MED12L: variants seen among roughly 807,000 people sequenced by gnomAD.
MED12L encodes the protein mediator complex subunit 12L, also known as mediator of RNA polymerase II transcription subunit 12-like protein.
In MED12L, 60 loss-of-function variants were observed where a neutral mutation model predicts 281.3. That is an observed-to-expected ratio of 0.21 (90% CI 0.17 to 0.26). The LOEUF is 0.26. Among genes scored for constraint, MED12L ranks in the 10% least tolerant of loss-of-function variants. The pLI is 1.00. For synonymous variants in MED12L, 974 were observed against 987.2 expected (o/e 0.99, Z 0.25); for missense variants, 2,146 against 2,680.9 (o/e 0.80, Z 4.41).
chr3:151,276,927 C>T (rs1741964639), intron 16 of MED12L, among the ~76,000 whole-genome samples: 1 of 152,150 alleles, frequency 6.6e-6, no homozygotes, highest in Non-Finnish European at 1.5e-5. Flanking sequence ...GACAGGGTCT[C>T]ACTCTCTCGC....
chr3:151,142,407 A>G (rs1717151875), intron 5 of MED12L, among the ~76,000 whole-genome samples: 1 of 152,222 alleles, frequency 6.6e-6, no homozygotes, highest in South Asian at 2.1e-4. Context: ...AAACAAGAGA[A>G]TTTTAAGAAA....
At chr3:151,166,489 A>T (rs568144125) in intron 11 of MED12L, among the ~76,000 whole-genome samples, 1 of 152,040 alleles carries the variant, frequency 6.6e-6, no homozygotes, top group South Asian at 2.1e-4. Context: ...GTTTATATCT[A>T]CCTAGAGAGA....
intron 39 of MED12L, among the ~76,000 whole-genome samples, chr3:151,402,043 C>T (rs1297856216): frequency 3.3e-5 from 5 of 152,200 alleles, no homozygotes; most frequent in African/African-American, 1.2e-4. Flanking sequence ...AGCATGGCAG[C>T]TGGATCTAAA....
chr3:151,142,525 T>A (rs375844974), intron 5 of MED12L, among the ~76,000 whole-genome samples: 12 of 152,350 alleles, frequency 7.9e-5, no homozygotes, highest in African/African-American at 2.6e-4. Context: ...TCTAACATAC[T>A]GTCTTCAGAC....
intron 16 of MED12L, among the ~76,000 whole-genome samples, chr3:151,320,315 G>A (rs1052142413): frequency 6.6e-6 from 1 of 152,168 alleles, no homozygotes; most frequent in African/African-American, 2.4e-5. Flanking sequence ...GACAAGCAGG[G>A]ATCTAATTGC....
In MED12L at chr3:151,213,493, T is replaced by A. The variant is rs759104990; in HGVS notation, c.2250+19827T>A. The A allele has an allele frequency of 1.9e-6, 3 of 1,614,168 alleles. No homozygotes were observed. The South Asian group carries it at 3.3e-5, about 18-fold the overall frequency. On this transcript the variant is annotated intron_variant, in intron 16 of 44. Transcript: ENST00000687756. Reference sequence around the variant, plus strand: ...TAGTAGCAGAGTGAATTCTTTCATATACCGCAAGATTTCTTTTGACTGGCA... The same window carrying A: ...TAGTAGCAGAGTGAATTCTTTCATAAACCGCAAGATTTCTTTTGACTGGCA...
At chr3:151,362,800 G>A (rs1754783927) in intron 21 of MED12L, among the ~76,000 whole-genome samples, 1 of 152,130 alleles carries the variant, frequency 6.6e-6, no homozygotes, top group South Asian at 2.1e-4. Flanking sequence ...TATGAAATGG[G>A]TTAGGTTTCA....
intron 43 of MED12L, among the ~76,000 whole-genome samples, chr3:151,417,884 T>C (rs2108400924): frequency 6.6e-6 from 1 of 152,352 alleles, no homozygotes; most frequent in South Asian, 2.1e-4. Context: ...GAAAACCTTC[T>C]TAAAGTAGAG....
At chr3:151,242,253 A>G (rs1210769472) in intron 16 of MED12L, among the ~76,000 whole-genome samples, 4 of 152,260 alleles carry the variant, frequency 2.6e-5, no homozygotes, top group Non-Finnish European at 5.9e-5. Context: ...CGGGAAGCTC[A>G]AACTGGGCGG....
chr3:151,336,324 G>A (rs944345055), intron 16 of MED12L, among the ~76,000 whole-genome samples: 1 of 152,132 alleles, frequency 6.6e-6, no homozygotes, highest in Non-Finnish European at 1.5e-5. Flanking sequence ...TTTTAGTGGT[G>A]CCGGAGAAAG....
intron 11 of MED12L, among the ~76,000 whole-genome samples, chr3:151,171,197 G>T (rs566264557): frequency 1.3e-5 from 2 of 152,316 alleles, no homozygotes; most frequent in African/African-American, 2.4e-5. Context: ...ACACAAAGGA[G>T]TCGTTATGTG....
chr3:151,112,978 G>A (rs934347240), intron 2 of MED12L, among the ~76,000 whole-genome samples: 3 of 152,192 alleles, frequency 2.0e-5, no homozygotes, highest in Non-Finnish European at 2.9e-5. Context: ...GCCTGCGTTT[G>A]TCAACAAAAT....
intron 18 of MED12L, among the ~76,000 whole-genome samples, chr3:151,355,685 A>G (rs906208545): frequency 3.9e-5 from 6 of 152,234 alleles, no homozygotes; most frequent in African/African-American, 1.4e-4. Flanking sequence ...TTAGGTCTGA[A>G]TGACAACTTT....
At chr3:151,095,902 A>G (rs1158831005) in intron 2 of MED12L, among the ~76,000 whole-genome samples, 2 of 152,112 alleles carry the variant, frequency 1.3e-5, no homozygotes, top group African/African-American at 2.4e-5. Context: ...TCACTTTCCT[A>G]GTTTCCCTTG....
At chr3:151,199,430 T>C in intron 16 of MED12L, 2 of 1,522,158 alleles carry the variant, frequency 1.3e-6, no homozygotes, top group Non-Finnish European at 1.8e-6. Context: ...AAGAAAAAAT[T>C]TCTAAGACTC....
rs77746094 is a variant in MED12L, at chr3:151,372,382, A to G, written c.3665-185A>G. On this transcript the variant is annotated intron_variant, in intron 26 of 44. Coordinates refer to ENST00000687756, the MANE Select transcript of MED12L (RefSeq NM_001393769.1). ...AACTTGCTTTTTCTCCATTTCTGTT[A>G]GAAACTTCTCTGGGTTCATGCATTT... Among the ~76,000 whole-genome samples, 438 of 152,310 alleles carry G rather than the reference A, an allele frequency of 2.9e-3. 2 individuals carry two copies. Among genetic ancestry groups the G allele is most frequent in the African/African-American group, 9.9e-3 (413 of 41,572 alleles).
rs981287735 is a variant in MED12L at position 151,387,910 on chromosome 3, G to A, written c.5189G>A (p.Arg1730Gln). The A allele has an allele frequency of 6.2e-6, 10 of 1,614,080 alleles. No individual in the cohort carries two copies. The highest frequency in any genetic ancestry group is 2.2e-5 in the East Asian group (1 of 44,880). ...TCCTGGGCCTGGTTTGGGACAGTCC[G>A]AGTGGACCGAAGAGTGATCAAGTAC... is the stretch of plus-strand genomic sequence containing the variant. ...PLSWAWFGTV[R>Q]VDRRVIKYEE... Residue 1730 changes from arginine (R) to glutamine (Q), a missense_variant, in exon 37 of 45, where the codon CGA becomes CAA. This residue lies in a region of MED12L where 212 missense variants were observed against 340.8 expected (regional missense o/e 0.62). Transcript: ENST00000687756.
chr3:151,356,849 TTA>T (rs1269312767), intron 19 of MED12L, among the ~76,000 whole-genome samples: 1 of 152,196 alleles, frequency 6.6e-6, no homozygotes, highest in African/African-American at 2.4e-5. Context: ...TTTGTTTATT[TTA>T]TAGGAGATAT....
At chr3:151,126,262 CA>C (rs1281445211) in intron 4 of MED12L, among the ~76,000 whole-genome samples, 2 of 151,992 alleles carry the variant, frequency 1.3e-5, no homozygotes, top group African/African-American at 4.8e-5. Context: ...AGGCTGGTCT[CA>C]AACTCCTAGG....
Sources: allele counts gnomAD v4.1 joint callset (sites outside exome capture counted in the v4.1 genomes callset), GRCh38; gene constraint gnomAD v4.1.1; regional missense constraint gnomAD v4.1.1; transcripts MANE v1.5; gene names NCBI Gene and HGNC (gene_info 2026-07-23, HGNC 2026-07-21).